DNMBP: variants seen among roughly 807,000 people sequenced by gnomAD.
The protein encoded by DNMBP is dynamin binding protein.
Under a neutral mutation model 150.0 loss-of-function variants are expected in DNMBP, and 87 were observed. The ratio of observed to expected loss-of-function variants is 0.58; its 90% CI spans 0.49 to 0.69. The LOEUF (loss-of-function observed/expected upper bound fraction) is 0.69. Ranked by LOEUF, DNMBP falls within the 30% of genes least tolerant of loss-of-function variation. The probability of loss-of-function intolerance (pLI) is 0.00; values close to 1 mark genes in which losing one functional copy is unlikely to be tolerated. For synonymous variants in DNMBP, 711 were observed against 750.4 expected, an observed-to-expected ratio of 0.95 and a Z score of 0.86; for missense variants, 1,774 against 1,949.0, an observed-to-expected ratio of 0.91 and a Z score of 1.69.
chr10:99,907,177 A>C (rs1320913536), intron 6 of DNMBP, among the ~76,000 whole-genome samples: 1 of 151,808 alleles, frequency 6.6e-6, no homozygotes, highest in Non-Finnish European at 1.5e-5. Context: ...AATTACAAAA[A>C]TTAGCTGGGC....
intron 4 of DNMBP, among the ~76,000 whole-genome samples, chr10:99,936,515 C>CTTTTTT (rs34804787): frequency 1.5e-5 from 2 of 134,356 alleles, no homozygotes. Flanking sequence ...TTTCTTTTTT[C>CTTTTTT]TTTTTTTTTT....
intron 6 of DNMBP, 84 bp downstream of exon 6, chr10:99,907,911 T>C: frequency 2.1e-6 from 2 of 932,394 alleles, no homozygotes; most frequent in East Asian, 4.8e-5. Context: ...GGAGGCATAG[T>C]TACTCAGTAT....
chr10:99,918,106 G>A (rs991284709), intron 4 of DNMBP, among the ~76,000 whole-genome samples: 8 of 151,922 alleles, frequency 5.3e-5, no homozygotes, highest in Non-Finnish European at 8.8e-5. Context: ...GAGAGGAGGC[G>A]ATTTGTCTGT....
In DNMBP at chr10:99,956,992, T is replaced by G; in HGVS notation, c.482A>C (p.Asp161Ala). ...CCCTTCCCTGAAGTCCAGCTCTTCA[T>G]CCAGCTGAGCAGAAAGCCCCATTAG... ...RALMGLSAQL[D>A]EELDFREGDV... The change falls in exon 4 of 17, where the codon GAT (aspartate) becomes GCT (alanine). Residue 161 changes from aspartate (D) to alanine (A), a missense_variant. By Grantham distance (126) the Asp-to-Ala change is moderately radical. Around this residue, in one of 2 missense-constraint regions of DNMBP, gnomAD observed 344 missense variants for 456.6 expected, o/e 0.75. Coordinates refer to ENST00000324109, the MANE Select transcript of DNMBP (RefSeq NM_015221.4). 6.2e-7 allele frequency: 1 copy of G among 1,614,160 alleles called. No homozygotes were observed. Among genetic ancestry groups the G allele is most frequent in the Non-Finnish European group, 8.5e-7 (1 of 1,180,030 alleles).
At chr10:99,980,371 C>T (rs1235172883) in intron 1 of DNMBP, among the ~76,000 whole-genome samples, 1 of 151,124 alleles carries the variant, frequency 6.6e-6, no homozygotes, top group African/African-American at 2.4e-5. Flanking sequence ...CGTTTGAACC[C>T]AGAAGGCAGA....
chr10:99,948,109 A>C (rs549679729), intron 4 of DNMBP, among the ~76,000 whole-genome samples: 99 of 152,338 alleles, frequency 6.5e-4, no homozygotes, highest in African/African-American at 2.3e-3. Context: ...CTTACAAAAA[A>C]CAAGTCCTTT....
rs1474550672 is a variant in DNMBP, at chr10:99,934,670, A to G, written c.2260+20544T>C. Among the ~76,000 whole-genome samples, 5 of 135,644 alleles carry G rather than the reference A, an allele frequency of 3.7e-5. No individual in the cohort carries two copies. The Admixed American group carries it at 3.8e-4, about 10-fold the overall frequency. 89.0% of individuals were successfully genotyped at this position (135,644 alleles called of 152,430 possible). ...GTAAAAGTTTGGCCCGGGGAGGGAG[A>G]TGGTAAAACTGGTACATTTGTAATC... On this transcript the variant is annotated intron_variant, in intron 4 of 16. Transcript: ENST00000324109.
At chr10:99,930,422 C>T (rs1367767880) in intron 4 of DNMBP, 1 of 702,946 alleles carries the variant, frequency 1.4e-6, no homozygotes, top group South Asian at 1.5e-5. Context: ...TATCCTTCGT[C>T]CCAGGGCTGA....
intron 11 of DNMBP, among the ~76,000 whole-genome samples, chr10:99,893,870 C>T (rs2039613257): frequency 1.3e-5 from 2 of 152,198 alleles, no homozygotes; most frequent in South Asian, 4.1e-4. Flanking sequence ...TGGATGGTGA[C>T]TGTCTCTACA....
At chr10:99,991,932 T>C (rs2040897858) in intron 1 of DNMBP, among the ~76,000 whole-genome samples, 1 of 141,558 alleles carries the variant, frequency 7.1e-6, no homozygotes, top group South Asian at 2.2e-4. Context: ...AGAAATATGA[T>C]CAGCTTAGAG....
intron 11 of DNMBP, among the ~76,000 whole-genome samples, chr10:99,894,229 T>C (rs2039618569): frequency 6.6e-6 from 1 of 152,148 alleles, no homozygotes; most frequent in Admixed American, 6.5e-5. Context: ...ATGATGGCAC[T>C]ATTGCACTCC....
At chr10:99,930,604 C>T (rs1364460598) in intron 4 of DNMBP, 2 of 702,956 alleles carry the variant, frequency 2.8e-6, no homozygotes. Context: ...TGTCCCTTGG[C>T]CCAGTACCTG....
At chr10:99,918,632 T>C (rs990864975) in intron 4 of DNMBP, among the ~76,000 whole-genome samples, 1 of 149,126 alleles carries the variant, frequency 6.7e-6, no homozygotes, top group Non-Finnish European at 1.5e-5. Context: ...AGTGGCACAA[T>C]CTGGGCTCAC....
At chr10:99,992,884 A>C (rs892425289) in intron 1 of DNMBP, among the ~76,000 whole-genome samples, 1 of 152,034 alleles carries the variant, frequency 6.6e-6, no homozygotes, top group Admixed American at 6.6e-5. Flanking sequence ...CTCTACAAAA[A>C]ATACAAAAAA....
chr10:99,960,530 G>C (rs1341153418), intron 3 of DNMBP, among the ~76,000 whole-genome samples: 1 of 152,184 alleles, frequency 6.6e-6, no homozygotes, highest in African/African-American at 2.4e-5. Flanking sequence ...ATTAGGCCAG[G>C]TGCGGTGGCT....
chr10:99,898,239 C>T lies in DNMBP; in HGVS notation c.2767G>A (p.Val923Ile). 6.2e-7 allele frequency: 1 copy of T among 1,613,994 alleles called. No homozygotes were observed. Among genetic ancestry groups the T allele is most frequent in the Non-Finnish European group, 8.5e-7 (1 of 1,179,986 alleles). ...INLGSFLIKP[V>I]QRVMRYPLLL... ...AGCGGGTAACGCATTACTCTCTGTACTGGTTTGATGAGGAAGGAGCCCAGG... is the reference window on the plus strand; with the variant it reads ...AGCGGGTAACGCATTACTCTCTGTATTGGTTTGATGAGGAAGGAGCCCAGG... The change falls in exon 9 of 17, where the codon GTA becomes ATA. Residue 923 changes from valine (V) to isoleucine (I), a missense_variant. Physicochemically the swap from Val to Ile is conservative, Grantham distance 29. Around this residue, in one of 2 missense-constraint regions of DNMBP, gnomAD observed 1,430 missense variants for 1,492.5 expected, o/e 0.96. Coordinates refer to ENST00000324109, the MANE Select transcript of DNMBP (RefSeq NM_015221.4).
chr10:99,944,538 T>C (rs1247098997), intron 4 of DNMBP, among the ~76,000 whole-genome samples: 1 of 152,220 alleles, frequency 6.6e-6, no homozygotes, highest in Non-Finnish European at 1.5e-5. Flanking sequence ...CCTTAACTTG[T>C]TAATTAGCAA....
intron 3 of DNMBP, among the ~76,000 whole-genome samples, chr10:99,962,639 AAAC>A (rs1240891609): frequency 6.6e-6 from 1 of 152,024 alleles, no homozygotes; most frequent in Admixed American, 6.5e-5. Flanking sequence ...TCAAAAAAAA[AAAC>A]AAACAAAAAA....
At chr10:99,930,506 T>C (rs1002051547) in intron 4 of DNMBP, 15 of 703,006 alleles carry the variant, frequency 2.1e-5, no homozygotes, top group African/African-American at 2.1e-4. Context: ...CCTTTCCACT[T>C]TCATGTGCTT....
Sources: allele counts gnomAD v4.1 joint callset (sites outside exome capture counted in the v4.1 genomes callset), GRCh38; gene constraint gnomAD v4.1.1; regional missense constraint gnomAD v4.1.1; transcripts MANE v1.5; gene names NCBI Gene and HGNC (gene_info 2026-07-23, HGNC 2026-07-21).